ESF1: variants seen among roughly 807,000 people sequenced by gnomAD.
ESF1 encodes the protein ESF1 nucleolar pre-rRNA processing protein.
ESF1 carries 58 observed loss-of-function variants against 92.0 expected under a neutral mutation model. The ratio of observed to expected loss-of-function variants is 0.63; its 90% CI spans 0.51 to 0.78. The LOEUF (loss-of-function observed/expected upper bound fraction) is 0.78, where lower values mean the gene tolerates loss of function less well. ESF1 is among the 30% of genes least tolerant of loss of function. ESF1 has a pLI of 0.00. For synonymous variants in ESF1, 321 were observed against 313.7 expected, an observed-to-expected ratio of 1.02 and a Z score of -0.24; for missense variants, 922 against 989.1, an observed-to-expected ratio of 0.93 and a Z score of 0.91.
chr20:13,733,945 G>C (rs2049960297), intron 9 of ESF1, 103 bp from the exon 10 acceptor site: 1 of 1,308,480 alleles, frequency 7.6e-7, no homozygotes, highest in Admixed American at 2.5e-5. Context: ...ATATTTAATA[G>C]AGTAACAAAG....
chr20:13,756,245 GA>G (rs1008831050), intron 9 of ESF1, among the ~76,000 whole-genome samples: 5 of 152,164 alleles, frequency 3.3e-5, no homozygotes, highest in African/African-American at 9.7e-5. Flanking sequence ...ATAGCACACA[GA>G]AAAACCCTTT....
chr20:13,723,993 A>G (rs1211880065), intron 11 of ESF1, among the ~76,000 whole-genome samples: 1 of 152,234 alleles, frequency 6.6e-6, no homozygotes, highest in Non-Finnish European at 1.5e-5. Flanking sequence ...TTATTTCTAC[A>G]TTTTAAAAAT....
chr20:13,763,810 G>A (rs1979312142), intron 8 of ESF1, among the ~76,000 whole-genome samples: 1 of 152,186 alleles, frequency 6.6e-6, no homozygotes, highest in Admixed American at 6.5e-5. Context: ...AACTCCCATT[G>A]CAAATACACA....
chr20:13,747,656 C>T (rs1978341842), intron 9 of ESF1, among the ~76,000 whole-genome samples: 1 of 151,042 alleles, frequency 6.6e-6, no homozygotes. Flanking sequence ...ATAATATTAA[C>T]ATTTAGGACT....
chr20:13,765,019 T>A (rs1433692248), intron 8 of ESF1, among the ~76,000 whole-genome samples: 1 of 151,992 alleles, frequency 6.6e-6, no homozygotes, highest in East Asian at 1.9e-4. Flanking sequence ...GGTCAGGAGT[T>A]CGAGACCAGC....
chr20:13,780,135 A>C (rs1980112853), intron 2 of ESF1, among the ~76,000 whole-genome samples: 1 of 152,206 alleles, frequency 6.6e-6, no homozygotes, highest in South Asian at 2.1e-4. Context: ...AAATTACTGC[A>C]AGCAATGTGG....
intron 11 of ESF1, among the ~76,000 whole-genome samples, chr20:13,722,687 A>AT (rs35588189): frequency 0.31 from 45,955 of 147,052 alleles, 7,318 homozygotes; most frequent in Non-Finnish European, 0.37. Flanking sequence ...CCAGCTCCAC[A>AT]TTTTTTTTTT....
rs548597791 is a variant in ESF1, at chr20:13,784,906, T to G, written c.-70A>C. On this transcript the variant is annotated 5_prime_UTR_variant, in exon 1 of 14. Transcript: ENST00000617257. ...GTCCGCAGTCCTACCAAGCCTCACG[T>G]GGGGCTCACACCCACAATCCTCCGC... The G allele has an allele frequency of 6.2e-6, 4 of 650,266 alleles. No homozygotes were observed. In the Admixed American group the frequency reaches 1.1e-4, roughly 18 times the overall value. 40.3% of individuals were successfully genotyped at this position (650,266 alleles called of 1,614,324 possible).
intron 10 of ESF1, among the ~76,000 whole-genome samples, chr20:13,730,666 G>T (rs1238654390): frequency 6.6e-6 from 1 of 151,360 alleles, no homozygotes; most frequent in Non-Finnish European, 1.5e-5. Flanking sequence ...TTACAAGCAT[G>T]AGCCACCGCA....
At chr20:13,770,618 G>T (rs1979641006) in intron 6 of ESF1, among the ~76,000 whole-genome samples, 1 of 152,214 alleles carries the variant, frequency 6.6e-6, no homozygotes, top group African/African-American at 2.4e-5. Context: ...AAAGTGCTGG[G>T]ATTATAGGCG....
chr20:13,755,823 C>T lies in ESF1; in HGVS notation c.1828+3869G>A, dbSNP rs894565771. Among the ~76,000 whole-genome samples, 20 of 152,240 alleles carry T rather than the reference C, an allele frequency of 1.3e-4. 1 individual carries two copies. Among genetic ancestry groups the T allele is most frequent in the African/African-American group, 4.8e-4 (20 of 41,542 alleles). On this transcript the variant is annotated intron_variant, in intron 9 of 13. Transcript: ENST00000617257. ...AAATTAAACTCCTCATGTTACTATA[C>T]TGTATAACCCAATGTAAAAAGGTAG...
intron 9 of ESF1, among the ~76,000 whole-genome samples, chr20:13,748,457 T>TAC (rs371148194): frequency 1.8e-3 from 130 of 72,516 alleles, no homozygotes; most frequent in African/African-American, 6.1e-3. Context: ...TACATATATA[T>TAC]ACATATATAC....
intron 2 of ESF1, among the ~76,000 whole-genome samples, chr20:13,782,067 G>A (rs1980215192): frequency 1.3e-5 from 2 of 151,946 alleles, no homozygotes; most frequent in Admixed American, 1.3e-4. Flanking sequence ...TAGTAGAGAT[G>A]GGGTTTCACC....
chr20:13,766,722 A>G, intron 8 of ESF1, 55 bp downstream of exon 8: 1 of 1,581,158 alleles, frequency 6.3e-7, no homozygotes, highest in Non-Finnish European at 8.6e-7. Flanking sequence ...CTTTCCCTGT[A>G]AAGCTACTGC....
intron 9 of ESF1, among the ~76,000 whole-genome samples, chr20:13,747,603 AAAAG>A (rs910530310): frequency 2.6e-5 from 4 of 151,686 alleles, no homozygotes; most frequent in Admixed American, 6.6e-5. Context: ...GAAAAAAAAA[AAAAG>A]AGAGAGAAAA....
chr20:13,718,629 T>C (rs971721564), intron 12 of ESF1, among the ~76,000 whole-genome samples: 2 of 152,194 alleles, frequency 1.3e-5, no homozygotes, highest in Non-Finnish European at 2.9e-5. Flanking sequence ...TAAGTGTTTT[T>C]AAAAGTGAGA....
intron 9 of ESF1, among the ~76,000 whole-genome samples, chr20:13,752,264 G>A (rs1978672980): frequency 6.6e-6 from 1 of 152,174 alleles, no homozygotes; most frequent in Non-Finnish European, 1.5e-5. Context: ...GATGATTCAA[G>A]GAAGGAGCTC....
intron 9 of ESF1, among the ~76,000 whole-genome samples, chr20:13,759,353 A>C (rs935633283): frequency 2.0e-5 from 3 of 152,238 alleles, no homozygotes; most frequent in Admixed American, 6.5e-5. Flanking sequence ...GGGTTATGGA[A>C]GAAAAGGTCA....
chr20:13,715,176 CCA>C lies in ESF1; in HGVS notation c.2263-11_2263-10del. 5.0e-6 allele frequency: 7 copies of C among 1,389,374 alleles called. No homozygotes were observed. Among genetic ancestry groups the C allele is most frequent in the East Asian group, 2.6e-5 (1 of 37,840 alleles). 86.1% of individuals were successfully genotyped at this position (1,389,374 alleles called of 1,614,324 possible). A position where few individuals can be genotyped will look rare whatever the true frequency, so the allele number is the denominator to read the frequency against. On this transcript the variant is annotated splice_polypyrimidine_tract_variant and intron_variant, in intron 13 of 13. Transcript: ENST00000617257. The stretch of plus-strand genomic sequence containing the variant: ...GCATCGTTAACATTTACCTGCAAAT[CCA>C]AAAAAAAAAAAAATTAATAAATTAA...
Sources: allele counts gnomAD v4.1 joint callset (sites outside exome capture counted in the v4.1 genomes callset), GRCh38; gene constraint gnomAD v4.1.1; transcripts MANE v1.5; gene names NCBI Gene and HGNC (gene_info 2026-07-23, HGNC 2026-07-21).